The following DCAF6 variants were observed in gnomAD, a reference collection of about 807,000 sequenced individuals.
DCAF6 encodes the protein DDB1 and CUL4 associated factor 6, also known as DDB1- and CUL4-associated factor 6.
In DCAF6, 54 loss-of-function variants were observed where a neutral mutation model predicts 125.1. The observed-to-expected ratio is 0.43, with a 90% CI of 0.35 to 0.54. DCAF6 has a LOEUF of 0.54. Ranked by LOEUF, DCAF6 falls within the 20% of genes least tolerant of loss-of-function variation. The pLI is 0.01. For missense variants in DCAF6, 934 were observed against 1,161.7 expected (o/e 0.80, Z 2.85); for synonymous variants, 371 against 390.4 (o/e 0.95, Z 0.58).
chr1:167,973,710 C>T (rs1017910592), intron 3 of DCAF6, among the ~76,000 whole-genome samples: 2 of 151,986 alleles, frequency 1.3e-5, no homozygotes, highest in Non-Finnish European at 2.9e-5. Context: ...TGACATTTCT[C>T]TTTTTTCTTA....
intron 17 of DCAF6, among the ~76,000 whole-genome samples, chr1:168,062,704 AATT>A (rs1018277536): frequency 1.3e-5 from 2 of 151,908 alleles, no homozygotes; most frequent in African/African-American, 4.8e-5. Flanking sequence ...AAACTGACAA[AATT>A]ATTAAGTAAT....
upstream of DCAF6, among the ~76,000 whole-genome samples, chr1:167,932,430 G>A (rs2102558135): frequency 6.6e-6 from 1 of 152,288 alleles, no homozygotes; most frequent in South Asian, 2.1e-4. Flanking sequence ...CCCTTGGGAT[G>A]ACTTACCCCA....
chr1:168,063,758 T>C lies in DCAF6; in HGVS notation c.2438T>C (p.Met813Thr), dbSNP rs748316865. The change falls in exon 18 of 22, where the codon ATG (methionine) becomes ACG (threonine). Residue 813 changes from methionine (M) to threonine (T), a missense_variant and splice_region_variant. Physicochemically the swap from Met to Thr is moderately conservative, Grantham distance 81. Transcript: ENST00000367840. ...VYKGHRNSRT[M>T]IKEANFWGAN... ...AAAGGCCATCGCAACTCCAGGACAA[T>C]GGTACCAAATGTTCATGGCATTTTT... The C allele has an allele frequency of 6.3e-7, 1 of 1,597,628 alleles. No homozygotes were observed. Among genetic ancestry groups the C allele is most frequent in the Non-Finnish European group, 8.5e-7 (1 of 1,174,730 alleles).
intron 12 of DCAF6, among the ~76,000 whole-genome samples, chr1:168,036,699 A>C (rs578053598): frequency 6.6e-6 from 1 of 152,018 alleles, no homozygotes; most frequent in South Asian, 2.1e-4. Flanking sequence ...ACATTTCTGT[A>C]AGCTAAAGGT....
intron 15 of DCAF6, 55 bp from the exon 16 acceptor site, chr1:168,044,841 TTAAA>T (rs1688962405): frequency 6.4e-7 from 1 of 1,560,876 alleles, no homozygotes; most frequent in Non-Finnish European, 8.7e-7. Context: ...CTAAGTTAGG[TTAAA>T]TAATTAGTAT....
intron 12 of DCAF6, 146 bp downstream of exon 12, chr1:168,023,193 T>C: frequency 1.2e-6 from 1 of 813,134 alleles, no homozygotes; most frequent in Non-Finnish European, 2.0e-6. Context: ...CAATAGGTGG[T>C]ATTGTACATA....
At position 168,038,366 on chromosome 1, in the gene DCAF6, T is replaced by C; in HGVS notation, c.1610-5T>C. ...TTTTTCAAATGTTTTAAACACAATT[T>C]TCAGATAACAATAATGAAAAGCTGA... On this transcript the variant is annotated splice_region_variant and splice_polypyrimidine_tract_variant and intron_variant, in intron 12 of 21. Coordinates refer to ENST00000367840, the MANE Select transcript of DCAF6 (RefSeq NM_001198956.2). The C allele has an allele frequency of 6.3e-7, 1 of 1,599,348 alleles. No individual in the cohort carries two copies. The highest frequency in any genetic ancestry group is 8.5e-7 in the Non-Finnish European group (1 of 1,173,016).
In DCAF6 at chr1:167,991,204, G is replaced by A. The variant is rs775825049; in HGVS notation, c.553G>A (p.Asp185Asn). 6.2e-7 allele frequency: 1 copy of A among 1,609,610 alleles called. No homozygotes were observed. Among genetic ancestry groups the A allele is most frequent in the Non-Finnish European group, 8.5e-7 (1 of 1,178,688 alleles). ...TSCTKEDCKDDILINCRRAAT... is the reference protein window; with the variant it reads ...TSCTKEDCKDNILINCRRAAT... ...ATTGGTATTATGTTATGTTTTGTAG[G>A]ATATTTTAATTAACTGTCGACGTGC... is the stretch of plus-strand genomic sequence containing the variant. The change falls in exon 6 of 22, where the codon GAT becomes AAT. Residue 185 changes from aspartate (D) to asparagine (N), a missense_variant and splice_region_variant. Physicochemically the swap from Asp to Asn is conservative, Grantham distance 23. Around this residue, in one of 5 missense-constraint regions of DCAF6, gnomAD observed 309 missense variants for 381.2 expected, o/e 0.81. Coordinates refer to ENST00000367840, the MANE Select transcript of DCAF6 (RefSeq NM_001198956.2).
the DCAF6 span, among the ~76,000 whole-genome samples, chr1:167,891,634 C>T: frequency 0.26 from 38,232 of 144,814 alleles, 5,310 homozygotes; most frequent in African/African-American, 0.37. Context: ...CCAGCCTGGG[C>T]GACAGAATGA....
In DCAF6 at chr1:168,023,000, C is replaced by T. The variant is rs1179587133; in HGVS notation, c.1562C>T (p.Ser521Phe). The T allele has an allele frequency of 3.1e-6, 5 of 1,614,154 alleles. No individual in the cohort carries two copies. The highest frequency in any genetic ancestry group is 4.2e-6 in the Non-Finnish European group (5 of 1,180,018). The part of the protein sequence containing the change: ...QDPHASDSPS[S>F]VVNKQLGSMS... Reference sequence around the variant, plus strand: ...ATTTTTGTTTCAGATTCTCCTTCTTCTGTGGTTAACAAACAGCTCGGATCC... The same window carrying T: ...ATTTTTGTTTCAGATTCTCCTTCTTTTGTGGTTAACAAACAGCTCGGATCC... Residue 521 changes from serine to phenylalanine, a missense_variant, in exon 12 of 22, where the codon TCT becomes TTT. This residue lies in a region of DCAF6 where 559 missense variants were observed against 635.5 expected (regional missense o/e 0.88). Transcript: ENST00000367840.
At chr1:167,975,066 G>A (rs1421580143) in intron 4 of DCAF6, 51 bp downstream of exon 4, 2 of 1,255,228 alleles carry the variant, frequency 1.6e-6, no homozygotes, top group Non-Finnish European at 2.2e-6. Context: ...GTATATTTTT[G>A]ATTAAGTACA....
At chr1:167,963,817 A>C (rs189517677) in intron 2 of DCAF6, among the ~76,000 whole-genome samples, 1 of 151,990 alleles carries the variant, frequency 6.6e-6, no homozygotes, top group Non-Finnish European at 1.5e-5. Flanking sequence ...TAAACTTTTT[A>C]ATTATTTGCC....
chr1:167,929,354 C>T, the DCAF6 span, among the ~76,000 whole-genome samples: 752 of 151,158 alleles, frequency 5.0e-3, 5 homozygotes, highest in African/African-American at 0.017. Context: ...AGCGAAACTC[C>T]GTCTCGAAAA....
intron 1 of DCAF6, among the ~76,000 whole-genome samples, chr1:167,946,009 T>G (rs1571598284): frequency 7.0e-6 from 1 of 141,986 alleles, no homozygotes. Context: ...CAGGCTGGAG[T>G]GCAATGGCAC....
chr1:168,023,349 A>G (rs1166855631), intron 12 of DCAF6: 3 of 452,368 alleles, frequency 6.6e-6, no homozygotes, highest in African/African-American at 5.8e-5. Flanking sequence ...GGTATCTGTC[A>G]TAAAATTGTG....
At chr1:167,915,851 T>C in the DCAF6 span, among the ~76,000 whole-genome samples, 1 of 152,198 alleles carries the variant, frequency 6.6e-6, no homozygotes, top group African/African-American at 2.4e-5. Context: ...GTCAGTACTA[T>C]GATTATCCTC....
chr1:167,902,233 T>A, the DCAF6 span, among the ~76,000 whole-genome samples: 4 of 152,162 alleles, frequency 2.6e-5, no homozygotes. Flanking sequence ...TTTCCTCAAG[T>A]GGAGAATGAG....
chr1:168,069,206 T>C (rs1186943086), intron 21 of DCAF6, among the ~76,000 whole-genome samples: 1 of 152,184 alleles, frequency 6.6e-6, no homozygotes, highest in African/African-American at 2.4e-5. Flanking sequence ...ACACAACTGA[T>C]AAATATTAAA....
the DCAF6 span, among the ~76,000 whole-genome samples, chr1:167,890,635 C>T: frequency 6.6e-6 from 1 of 152,136 alleles, no homozygotes; most frequent in Non-Finnish European, 1.5e-5. Flanking sequence ...TTGTGTCTTT[C>T]CCTTCAGGGT....
Sources: gnomAD v4.1 joint callset for allele counts (sites outside exome capture counted in the v4.1 genomes callset) on GRCh38, gnomAD v4.1.1 for gene constraint, gnomAD v4.1.1 regional missense constraint, MANE v1.5 for transcripts, NCBI Gene and HGNC (gene_info 2026-07-23, HGNC 2026-07-21) for gene names.